The following CSF1R variants were observed in gnomAD, a reference collection of about 807,000 sequenced individuals.
CSF1R encodes macrophage colony-stimulating factor 1 receptor.
A neutral mutation model predicts 110.0 loss-of-function variants in CSF1R; 40 were observed. That is an observed-to-expected ratio of 0.36 (90% CI 0.28 to 0.47). The LOEUF (loss-of-function observed/expected upper bound fraction) is 0.47, where lower values mean the gene tolerates loss of function less well. CSF1R is among the 20% of genes least tolerant of loss of function. The pLI, the probability that CSF1R is intolerant of heterozygous loss-of-function variation, is 0.99. For missense variants in CSF1R, 1,052 were observed against 1,253.0 expected, an observed-to-expected ratio of 0.84 and a Z score of 2.42; for synonymous variants, 523 against 503.4, an observed-to-expected ratio of 1.04 and a Z score of -0.52.
In CSF1R at chr5:150,056,762, T is replaced by C. The variant is rs142437236; in HGVS notation, c.2320-421A>G. On this transcript the variant is annotated intron_variant, in intron 16 of 20. Transcript: ENST00000675795. Reference sequence around the variant, plus strand: ...TTTTCAACAATCGTTATGCCCATTTTTATAGGTGTAGAAACTGAGGCACAG... The same window carrying C: ...TTTTCAACAATCGTTATGCCCATTTCTATAGGTGTAGAAACTGAGGCACAG... 1.1e-4 allele frequency among the ~76,000 whole-genome samples: 16 copies of C among 152,298 alleles called. No individual in the cohort carries two copies. The East Asian group carries it at 3.1e-3, about 29-fold the overall frequency.
At position 150,080,243 on chromosome 5, in the gene CSF1R, A is replaced by G. The variant is rs1456318164; in HGVS notation, c.401T>C (p.Leu134Pro). ...ACGCACCAGCGAGACGCCTGCTTCC[A>G]GCACCGGGTCTGTGAGCAGACAGGG... is the stretch of plus-strand genomic sequence containing the variant. ...LLPCLLTDPV[L>P]EAGVSLVRVR... The change falls in exon 3 of 21, where the codon CTG becomes CCG. Residue 134 changes from leucine to proline, a missense_variant. By Grantham distance (98) the Leu-to-Pro change is moderately conservative. Coordinates refer to ENST00000675795, the MANE Select transcript of CSF1R (RefSeq NM_001288705.3). 1.2e-6 allele frequency: 2 copies of G among 1,614,016 alleles called. No individual in the cohort carries two copies. Among genetic ancestry groups the G allele is most frequent in the Non-Finnish European group, 1.7e-6 (2 of 1,180,032 alleles).
intron 1 of CSF1R, among the ~76,000 whole-genome samples, chr5:150,102,924 T>A (rs949941059): frequency 6.6e-6 from 1 of 152,254 alleles, no homozygotes; most frequent in African/African-American, 2.4e-5. Context: ...TGTAGTCAAA[T>A]CTGTTGTCTT....
chr5:150,071,842 G>C (rs760906770), intron 6 of CSF1R, among the ~76,000 whole-genome samples: 7 of 152,168 alleles, frequency 4.6e-5, no homozygotes, highest in Non-Finnish European at 1.0e-4. Flanking sequence ...TGGCCAGAAA[G>C]GACCAGAAGG....
rs375827793 is a variant in CSF1R, at chr5:150,068,286, C to G, written c.1555G>C (p.Val519Leu). Residue 519 changes from valine (V) to leucine (L), a missense_variant, in exon 10 of 21, where the codon GTG (valine) becomes CTG (leucine). By Grantham distance (32) the Val-to-Leu change is conservative. Coordinates refer to ENST00000675795, the MANE Select transcript of CSF1R (RefSeq NM_001288705.3). ...GCCATGATGGACATGCAGGCGACCA[C>G]CACTGGTGTGAAGAGGAACTCATCC... ...PPDEFLFTPV[V>L]VACMSIMALL... 25 of 1,612,952 alleles carry G rather than the reference C, an allele frequency of 1.5e-5. No homozygotes were observed. The African/African-American group carries it at 3.2e-4, about 21-fold the overall frequency.
intron 3 of CSF1R, among the ~76,000 whole-genome samples, chr5:150,078,470 C>T (rs991974434): frequency 6.6e-6 from 1 of 152,244 alleles, no homozygotes; most frequent in Admixed American, 6.5e-5. Flanking sequence ...TACCCCTCCC[C>T]AGTCCCGTCA....
chr5:150,081,292 C>A (rs1170089013), intron 1 of CSF1R, among the ~76,000 whole-genome samples: 1 of 152,160 alleles, frequency 6.6e-6, no homozygotes, highest in Non-Finnish European at 1.5e-5. Flanking sequence ...GCCTCTGTCC[C>A]CCTGGGGTCC....
At chr5:150,113,046 T>C (rs1759774436) in intron 1 of CSF1R, among the ~76,000 whole-genome samples, 1 of 152,170 alleles carries the variant, frequency 6.6e-6, no homozygotes, top group Admixed American at 6.5e-5. Flanking sequence ...GCCCTAGCAC[T>C]CTGTCCCCTG....
At chr5:150,072,258 C>G (rs1190618618) in intron 6 of CSF1R, among the ~76,000 whole-genome samples, 4 of 152,174 alleles carry the variant, frequency 2.6e-5, no homozygotes, top group Non-Finnish European at 5.9e-5. Context: ...CCTTGGGAGG[C>G]CGAGGCAGGC....
chr5:150,077,454 G>T lies in CSF1R; in HGVS notation c.730-19C>A. On this transcript the variant is annotated intron_variant, in intron 4 of 20. Transcript: ENST00000675795. Reference sequence around the variant, plus strand: ...TTGCGAGCTGCAGCCAGAAGGAATGGAGATGTTATACCAAGGTAGTTTAGG... The same window carrying T: ...TTGCGAGCTGCAGCCAGAAGGAATGTAGATGTTATACCAAGGTAGTTTAGG... 6.2e-7 allele frequency: 1 copy of T among 1,606,914 alleles called. No homozygotes were observed. The highest frequency in any genetic ancestry group is 8.5e-7 in the Non-Finnish European group (1 of 1,174,794).
At position 150,057,188 on chromosome 5, in the gene CSF1R, C is replaced by A. The variant is rs1057274375; in HGVS notation, c.2319+99G>T. 50 of 989,490 alleles carry A rather than the reference C, an allele frequency of 5.1e-5. No homozygotes were observed. The Middle Eastern group carries it at 1.6e-3, about 31-fold the overall frequency. 61.3% of individuals were successfully genotyped at this position (989,490 alleles called of 1,614,324 possible). A position where few individuals can be genotyped will look rare whatever the true frequency, so the allele number is the denominator to read the frequency against. ...TCATACTCTGTCTCCTCCCCTACCC[C>A]CTCACAGGCTCCCGTTTCCTCCTCC... On this transcript the variant is annotated intron_variant, in intron 16 of 20. Transcript: ENST00000675795.
At chr5:150,101,035 G>A (rs1234529719) in intron 1 of CSF1R, among the ~76,000 whole-genome samples, 5 of 150,670 alleles carry the variant, frequency 3.3e-5, no homozygotes, top group Admixed American at 6.6e-5. Flanking sequence ...TTCAGTACCC[G>A]ATCTCTTTGC....
At position 150,073,496 on chromosome 5, in the gene CSF1R, G is replaced by A; in HGVS notation, c.890-3C>T. 6.2e-7 allele frequency: 1 copy of A among 1,611,454 alleles called. No homozygotes were observed. Among genetic ancestry groups the A allele is most frequent in the Non-Finnish European group, 8.5e-7 (1 of 1,178,044 alleles). On this transcript the variant is annotated splice_region_variant and splice_polypyrimidine_tract_variant and intron_variant, in intron 5 of 20. Coordinates refer to ENST00000675795, the MANE Select transcript of CSF1R (RefSeq NM_001288705.3). ...GCTCAAGTTCAAGTAGGCACTCTCT[G>A]GAAAGCAGAACACACAAGCATCTGG...
chr5:150,065,447 C>T (rs139755624), intron 10 of CSF1R, among the ~76,000 whole-genome samples: 2 of 152,334 alleles, frequency 1.3e-5, no homozygotes, highest in South Asian at 2.1e-4. Context: ...TCTTCCCCCA[C>T]GGCCCCCCTT....
chr5:150,103,847 T>C (rs1391447547), intron 1 of CSF1R, among the ~76,000 whole-genome samples: 3 of 151,832 alleles, frequency 2.0e-5, no homozygotes, highest in Non-Finnish European at 4.4e-5. Flanking sequence ...GTACTAAGAG[T>C]ACCTGACAAC....
intron 1 of CSF1R, among the ~76,000 whole-genome samples, chr5:150,103,969 A>G (rs1302945175): frequency 6.6e-6 from 1 of 152,172 alleles, no homozygotes; most frequent in Non-Finnish European, 1.5e-5. Context: ...TCAGAATCAC[A>G]GGGGTAACTG....
rs78643720 is a variant in CSF1R at position 150,112,412 on chromosome 5, C to A, written c.-181+849G>T. Reference sequence around the variant, plus strand: ...TAGTGGTAGTCAGATTTTTATCAACCTTTGTCTTAGTGTGGCATCTAGCTC... The same window carrying A: ...TAGTGGTAGTCAGATTTTTATCAACATTTGTCTTAGTGTGGCATCTAGCTC... On this transcript the variant is annotated intron_variant, in intron 1 of 21. Coordinates refer to the CSF1R transcript ENST00000286301. Among the ~76,000 whole-genome samples, 688 of 152,270 alleles carry A rather than the reference C, an allele frequency of 4.5e-3. 5 individuals carry two copies. Among genetic ancestry groups the A allele is most frequent in the African/African-American group, 0.016 (662 of 41,544 alleles).
intron 16 of CSF1R, among the ~76,000 whole-genome samples, chr5:150,056,923 T>C (rs1322957891): frequency 6.6e-6 from 1 of 152,162 alleles, no homozygotes; most frequent in Non-Finnish European, 1.5e-5. Context: ...GCGCACTTTA[T>C]ACGTTATCTA....
At position 150,055,242 on chromosome 5, in the gene CSF1R, C is replaced by T. The variant is rs1757151596; in HGVS notation, c.2649G>A (p.Lys883=). 1 of 1,613,950 alleles carries T rather than the reference C, an allele frequency of 6.2e-7. No individual in the cohort carries two copies. Residue 883 remains lysine (K), a synonymous_variant, in exon 19 of 21, where the codon AAG becomes AAA. Coordinates refer to ENST00000675795, the MANE Select transcript of CSF1R (RefSeq NM_001288705.3). ...YQMAQPAFAP[K]NIYSIMQACW... ...CCTGGGATCCCTTCGCTTACATATTCTTTGGGGCAAATGCAGGCTGGGCCA... is the reference window on the plus strand; with the variant it reads ...CCTGGGATCCCTTCGCTTACATATTTTTTGGGGCAAATGCAGGCTGGGCCA...
intron 10 of CSF1R, among the ~76,000 whole-genome samples, chr5:150,065,672 G>A (rs191833086): frequency 0.011 from 1,601 of 152,298 alleles, 24 homozygotes; most frequent in African/African-American, 0.035. Flanking sequence ...TGCCCCCTCC[G>A]CTCCCATGGG....
Sources: allele counts gnomAD v4.1 joint callset (sites outside exome capture counted in the v4.1 genomes callset), GRCh38; gene constraint gnomAD v4.1.1; transcripts MANE v1.5; gene names NCBI Gene and HGNC (gene_info 2026-07-23, HGNC 2026-07-21).